RYR3: variants seen among roughly 807,000 people sequenced by gnomAD.
RYR3 encodes brain ryanodine receptor-calcium release channel.
A neutral mutation model predicts 584.3 loss-of-function variants in RYR3; 207 were observed. The observed-to-expected ratio is 0.35, with a 90% CI of 0.32 to 0.40. The LOEUF is 0.40. Ranked by LOEUF, RYR3 falls within the 10% of genes least tolerant of loss-of-function variation. RYR3 has a pLI of 1.00. For synonymous variants in RYR3, 2,416 were observed against 2,248.5 expected (o/e 1.07, Z -2.11); for missense variants, 5,616 against 6,089.2 (o/e 0.92, Z 2.59).
intron 57 of RYR3, among the ~76,000 whole-genome samples, chr15:33,750,712 A>G (rs2071201368): frequency 6.6e-6 from 1 of 151,960 alleles, no homozygotes; most frequent in African/African-American, 2.4e-5. Flanking sequence ...AACAGGGTAA[A>G]TGCAGTACCC....
chr15:33,835,183 A>T, intron 87 of RYR3, 111 bp downstream of exon 87: 1 of 812,274 alleles, frequency 1.2e-6, no homozygotes, highest in Non-Finnish European at 2.0e-6. Context: ...TGGACAAGCC[A>T]TGCATATTAG....
chr15:33,840,587 G>A, intron 89 of RYR3: 1 of 562,846 alleles, frequency 1.8e-6, no homozygotes, highest in Non-Finnish European at 3.1e-6. Context: ...TTTCCTCTTT[G>A]AATTGAGTAA....
rs1567561222 is a variant in RYR3 at position 33,570,287 on chromosome 15, CG to C, written c.1268+3489del. Among the ~76,000 whole-genome samples the C allele has an allele frequency of 8.5e-5, 13 of 152,048 alleles. No individual in the cohort carries two copies. The South Asian group carries it at 2.5e-3, about 29-fold the overall frequency. On this transcript the variant is annotated intron_variant, in intron 12 of 103. Transcript: ENST00000634891. Reference sequence around the variant, plus strand: ...GTAAAGGTTTAAATTAATATTTTTGCGTGTGGCCATATGGATATCAGATTTT... The same window carrying C: ...GTAAAGGTTTAAATTAATATTTTTGCTGTGGCCATATGGATATCAGATTTT...
At chr15:33,684,068 C>G (rs932514422) in intron 38 of RYR3, among the ~76,000 whole-genome samples, 1 of 152,268 alleles carries the variant, frequency 6.6e-6, no homozygotes, top group Non-Finnish European at 1.5e-5. Flanking sequence ...CATAGCTGAA[C>G]AAAAGGCAGC....
intron 1 of RYR3, among the ~76,000 whole-genome samples, chr15:33,424,045 A>G (rs2044426830): frequency 2.0e-5 from 3 of 152,164 alleles, no homozygotes; most frequent in Admixed American, 2.0e-4. Flanking sequence ...TCTCTGGGCT[A>G]GACTAGTACA....
Position 33,473,537 on chromosome 15 carries a change from A to G in RYR3, c.170A>G (p.Lys57Arg). 1.2e-6 allele frequency: 2 copies of G among 1,613,988 alleles called. No homozygotes were observed. Among genetic ancestry groups the G allele is most frequent in the Non-Finnish European group, 1.7e-6 (2 of 1,179,858 alleles). ...TTCTTGGAACCCACTTCAGAAGCCA[A>G]GGTGAGATTGGCTGTCCGCCCTACA... ...LCFLEPTSEAKYIPPDLCVCN... is the reference protein window; with the variant it reads ...LCFLEPTSEARYIPPDLCVCN... The change falls in exon 2 of 104, where the codon AAG becomes AGG. Residue 57 changes from lysine to arginine, a missense_variant and splice_region_variant. Transcript: ENST00000634891.
intron 1 of RYR3, among the ~76,000 whole-genome samples, chr15:33,455,226 G>A (rs139248587): frequency 0.011 from 1,652 of 152,284 alleles, 13 homozygotes; most frequent in Non-Finnish European, 0.014. Flanking sequence ...CCTGTGGGAA[G>A]GAACAATTAT....
chr15:33,352,854 A>T (rs959690778), intron 1 of RYR3, among the ~76,000 whole-genome samples: 44 of 152,192 alleles, frequency 2.9e-4, no homozygotes, highest in African/African-American at 1.1e-3. Flanking sequence ...ATTTCTAGGA[A>T]GTAGGTTCAA....
intron 69 of RYR3, among the ~76,000 whole-genome samples, chr15:33,805,162 A>C (rs988597660): frequency 1.3e-5 from 2 of 152,208 alleles, no homozygotes; most frequent in Non-Finnish European, 2.9e-5. Flanking sequence ...GTTTCTGGAA[A>C]AATGACAGCA....
intron 80 of RYR3, 61 bp downstream of exon 80, chr15:33,821,663 T>C: frequency 6.6e-7 from 1 of 1,517,424 alleles, no homozygotes; most frequent in Non-Finnish European, 9.1e-7. Flanking sequence ...ACACCTGTCA[T>C]GCTTCAGGGA....
rs747142572 is a variant in RYR3, at chr15:33,644,537, G to A, written c.3765+18G>A. 2 of 1,601,800 alleles carry A rather than the reference G, an allele frequency of 1.2e-6. No individual in the cohort carries two copies. Among genetic ancestry groups the A allele is most frequent in the African/African-American group, 1.3e-5 (1 of 74,736 alleles). On this transcript the variant is annotated intron_variant, in intron 28 of 103. Coordinates refer to ENST00000634891, the MANE Select transcript of RYR3 (RefSeq NM_001036.6). ...ACATAGAGGTAATGTTACACAATGT[G>A]TGTGGCCCTGGCAGGTCAGGTGGGC... is the stretch of plus-strand genomic sequence containing the variant.
At chr15:33,824,778 C>T (rs777262320) in intron 81 of RYR3, among the ~76,000 whole-genome samples, 3 of 152,174 alleles carry the variant, frequency 2.0e-5, no homozygotes, top group South Asian at 2.1e-4. Flanking sequence ...ATGGACTTAG[C>T]CATAAACTTT....
chr15:33,828,197 CTT>C (rs1268218968), intron 85 of RYR3, among the ~76,000 whole-genome samples: 2 of 152,182 alleles, frequency 1.3e-5, no homozygotes, highest in South Asian at 2.1e-4. Context: ...AGACAGCAAA[CTT>C]AATGTTGCAT....
chr15:33,855,015 T>C (rs1597052226), intron 98 of RYR3, 103 bp downstream of exon 98: 8 of 1,200,024 alleles, frequency 6.7e-6, no homozygotes, highest in Non-Finnish European at 8.8e-6. Context: ...TATGTCTTGG[T>C]ATATAATGTA....
chr15:33,694,408 T>C (rs35687937), intron 38 of RYR3, among the ~76,000 whole-genome samples: 63,563 of 150,544 alleles, frequency 0.42, 15,368 homozygotes, highest in East Asian at 0.63. Flanking sequence ...TCACGCCCGG[T>C]TAATTTTTTG....
intron 3 of RYR3, among the ~76,000 whole-genome samples, chr15:33,511,963 A>C (rs966209481): frequency 6.6e-6 from 1 of 152,198 alleles, no homozygotes; most frequent in Non-Finnish European, 1.5e-5. Context: ...TATTTTTAGT[A>C]GAGACGGGGT....
chr15:33,379,138 T>C (rs928705856), intron 1 of RYR3, among the ~76,000 whole-genome samples: 3 of 152,196 alleles, frequency 2.0e-5, no homozygotes, highest in African/African-American at 7.2e-5. Context: ...AAAATTCTGA[T>C]AGTCTTCTCA....
In RYR3 at chr15:33,628,551, A is replaced by G. The variant is rs1437987405; in HGVS notation, c.2655A>G (p.Ile885Met). The change falls in exon 21 of 104, where the codon ATA becomes ATG. Residue 885 changes from isoleucine to methionine, a missense_variant. Transcript: ENST00000634891. ...ATGAGCTTTGGGGAATGAATAAAAT[A>G]GAACTTGGCTGGACTTTCGGCAAGG... ...NIHELWGMNK[I>M]ELGWTFGKIR... The G allele has an allele frequency of 1.9e-6, 3 of 1,613,408 alleles. No homozygotes were observed. The highest frequency in any genetic ancestry group is 1.3e-5 in the African/African-American group (1 of 74,918).
In RYR3 at chr15:33,810,516, G is replaced by A. The variant is rs747213308; in HGVS notation, c.10064G>A (p.Arg3355Gln). 13 of 1,613,836 alleles carry A rather than the reference G, an allele frequency of 8.1e-6. No individual in the cohort carries two copies. Among genetic ancestry groups the A allele is most frequent in the East Asian group, 4.5e-5 (2 of 44,886 alleles). Residue 3355 changes from arginine to glutamine, a missense_variant, in exon 71 of 104, where the codon CGG becomes CAG. By Grantham distance (43) the Arg-to-Gln change is conservative. Coordinates refer to ENST00000634891, the MANE Select transcript of RYR3 (RefSeq NM_001036.6). Reference sequence around the variant, plus strand: ...GACCAGGAGCGGAAGAAGACAAAGCGGCGGGGAGACTTGTATTCCATCCAG... The same window carrying A: ...GACCAGGAGCGGAAGAAGACAAAGCAGCGGGGAGACTTGTATTCCATCCAG... ...GQDQERKKTK[R>Q]RGDLYSIQTS...
Sources: allele counts gnomAD v4.1 joint callset (sites outside exome capture counted in the v4.1 genomes callset), GRCh38; gene constraint gnomAD v4.1.1; transcripts MANE v1.5; gene names NCBI Gene and HGNC (gene_info 2026-07-23, HGNC 2026-07-21).